The following PCED1B variants were observed in gnomAD, a reference collection of about 807,000 sequenced individuals.
PCED1B encodes the protein PC-esterase domain containing 1B.
For missense variants in PCED1B, 573 were observed against 573.9 expected (o/e 1.00, Z 0.02); for synonymous variants, 251 against 246.1 (o/e 1.02, Z -0.19).
At chr12:47,129,533 G>C (rs1418857710) in intron 2 of PCED1B, among the ~76,000 whole-genome samples, 1 of 151,610 alleles carries the variant, frequency 6.6e-6, no homozygotes, top group Non-Finnish European at 1.5e-5. Flanking sequence ...TCCCCACAGA[G>C]AGTAATAGGT....
chr12:47,154,100 T>C (rs1351577401), intron 2 of PCED1B, among the ~76,000 whole-genome samples: 1 of 152,218 alleles, frequency 6.6e-6, no homozygotes, highest in Non-Finnish European at 1.5e-5. Context: ...AGGCGCTGAC[T>C]GCCCTTTGTT....
At chr12:47,230,124 C>T (rs1313854939) in intron 3 of PCED1B, among the ~76,000 whole-genome samples, 6 of 119,904 alleles carry the variant, frequency 5.0e-5, no homozygotes, top group Non-Finnish European at 1.7e-5. Context: ...CTCACTCTGT[C>T]CCCAGGCTGG....
In PCED1B at chr12:47,235,966, C is replaced by G; in HGVS notation, c.903C>G (p.Pro301=). Residue 301 remains proline, a synonymous_variant, in exon 4 of 4, where the codon CCC becomes CCG. Coordinates refer to ENST00000546455, the MANE Select transcript of PCED1B (RefSeq NM_138371.3). ...CCTTACCTTCCCCCACATACCGCCCCCTGCTTGGGTTCCCACCCCAGCGCT... is the reference window on the plus strand; with the variant it reads ...CCTTACCTTCCCCCACATACCGCCCGCTGCTTGGGTTCCCACCCCAGCGCT... ...SPPLPSPTYR[P]LLGFPPQRLP... 6.2e-7 allele frequency: 1 copy of G among 1,612,690 alleles called. No homozygotes were observed. The highest frequency in any genetic ancestry group is 2.2e-5 in the East Asian group (1 of 44,760).
intron 3 of PCED1B, among the ~76,000 whole-genome samples, chr12:47,229,439 T>TA (rs1271691294): frequency 2.0e-5 from 3 of 149,366 alleles, no homozygotes; most frequent in African/African-American, 7.4e-5. Context: ...GATAAGAAAA[T>TA]AAAAAACACT....
At chr12:47,226,683 C>T (rs1387592606) in intron 3 of PCED1B, among the ~76,000 whole-genome samples, 2 of 152,106 alleles carry the variant, frequency 1.3e-5, no homozygotes, top group African/African-American at 4.8e-5. Flanking sequence ...CCAAAATTGC[C>T]TTTTCATACC....
intron 1 of PCED1B, among the ~76,000 whole-genome samples, chr12:47,094,640 A>ACAGAATTTAT (rs63058161): frequency 0.016 from 2,414 of 152,246 alleles, 73 homozygotes; most frequent in African/African-American, 0.054. Context: ...TTACAGAATT[A>ACAGAATTTAT]TACAAATTAT....
intron 2 of PCED1B, among the ~76,000 whole-genome samples, chr12:47,190,267 T>G (rs10881070): frequency 1.1e-4 from 16 of 151,988 alleles, no homozygotes; most frequent in Non-Finnish European, 8.8e-5. Flanking sequence ...GGTTCATAAA[T>G]GGGAGCAAGT....
rs548965363 is a variant in PCED1B at position 47,235,587 on chromosome 12, G to A, written c.524G>A (p.Gly175Asp). The change falls in exon 4 of 4, where the codon GGT becomes GAT. Residue 175 changes from glycine to aspartate, a missense_variant. Transcript: ENST00000546455. Reference protein sequence around the residue: ...AMPVGEEVTGGFLPPKLRRQK... With the variant: ...AMPVGEEVTGDFLPPKLRRQK... ...CCTGTGGGCGAGGAAGTCACCGGGGGTTTTCTTCCGCCCAAGCTCCGGCGG... is the reference window on the plus strand; with the variant it reads ...CCTGTGGGCGAGGAAGTCACCGGGGATTTTCTTCCGCCCAAGCTCCGGCGG... The A allele has an allele frequency of 1.2e-6, 2 of 1,608,794 alleles. No homozygotes were observed. Among genetic ancestry groups the A allele is most frequent in the Non-Finnish European group, 1.7e-6 (2 of 1,176,860 alleles).
intron 2 of PCED1B, among the ~76,000 whole-genome samples, chr12:47,198,308 T>G (rs1942667058): frequency 6.6e-6 from 1 of 152,214 alleles, no homozygotes; most frequent in Non-Finnish European, 1.5e-5. Context: ...ATGCTCATAT[T>G]AACAGGCGCA....
chr12:47,159,481 A>C (rs1941301135), intron 2 of PCED1B, among the ~76,000 whole-genome samples: 1 of 151,764 alleles, frequency 6.6e-6, no homozygotes, highest in African/African-American at 2.4e-5. Context: ...TTTTGTTTGC[A>C]TTTCTCTGAT....
intron 2 of PCED1B, among the ~76,000 whole-genome samples, chr12:47,171,657 T>C (rs766333985): frequency 2.3e-4 from 35 of 152,188 alleles, no homozygotes; most frequent in Non-Finnish European, 2.4e-4. Context: ...ATATAGTTTT[T>C]CTCCTGATAA....
intron 2 of PCED1B, among the ~76,000 whole-genome samples, chr12:47,165,826 T>G (rs887740765): frequency 1.3e-5 from 2 of 152,162 alleles, no homozygotes; most frequent in Non-Finnish European, 2.9e-5. Context: ...CTCTATTCAA[T>G]TAAAAGTTCA....
chr12:47,198,493 C>G (rs933318908), intron 2 of PCED1B, among the ~76,000 whole-genome samples: 2 of 151,940 alleles, frequency 1.3e-5, no homozygotes, highest in East Asian at 3.9e-4. Context: ...CGATCAAGAA[C>G]AAGGCAAGGG....
chr12:47,188,590 C>CT (rs1942349028), intron 2 of PCED1B, among the ~76,000 whole-genome samples: 1 of 152,174 alleles, frequency 6.6e-6, no homozygotes, highest in Admixed American at 6.5e-5. Flanking sequence ...TAAGGACTTC[C>CT]TTTTTTCAAT....
chr12:47,161,602 G>A (rs1234232803), intron 2 of PCED1B, among the ~76,000 whole-genome samples: 1 of 152,184 alleles, frequency 6.6e-6, no homozygotes, highest in African/African-American at 2.4e-5. Context: ...TCACGAAAAA[G>A]TCAGGGAACA....
At chr12:47,212,270 G>T (rs979545073) in intron 2 of PCED1B, among the ~76,000 whole-genome samples, 1 of 152,026 alleles carries the variant, frequency 6.6e-6, no homozygotes, top group Admixed American at 6.6e-5. Context: ...CAGAGCAAGA[G>T]ACTCTGTCTC....
chr12:47,102,770 G>A (rs915735540), intron 1 of PCED1B, among the ~76,000 whole-genome samples: 26 of 152,158 alleles, frequency 1.7e-4, no homozygotes, highest in Admixed American at 1.4e-3. Flanking sequence ...GCTTAGCAAT[G>A]ACGTATAGGA....
At chr12:47,155,008 C>T (rs749292895) in intron 2 of PCED1B, among the ~76,000 whole-genome samples, 4 of 152,002 alleles carry the variant, frequency 2.6e-5, no homozygotes, top group Non-Finnish European at 4.4e-5. Flanking sequence ...AGATGCAGAA[C>T]GAGGGCACCA....
chr12:47,219,698 G>A (rs1411259002), intron 3 of PCED1B, among the ~76,000 whole-genome samples: 1 of 152,074 alleles, frequency 6.6e-6, no homozygotes, highest in Non-Finnish European at 1.5e-5. Context: ...GTTTTCTCAT[G>A]GAAAAATTTA....
Sources: allele counts gnomAD v4.1 joint callset (sites outside exome capture counted in the v4.1 genomes callset), GRCh38; gene constraint gnomAD v4.1.1; transcripts MANE v1.5; gene names NCBI Gene and HGNC (gene_info 2026-07-23, HGNC 2026-07-21).